ACSL3: variants seen among roughly 807,000 people sequenced by gnomAD.
ACSL3 encodes the protein acyl-CoA synthetase long chain family member 3.
Under a neutral mutation model 84.7 loss-of-function variants are expected in ACSL3, and 34 were observed. That is an observed-to-expected ratio of 0.40 (90% confidence interval 0.31 to 0.53). The LOEUF is 0.53. Ranked by LOEUF, ACSL3 falls within the 20% of genes least tolerant of loss-of-function variation. The pLI, the probability that ACSL3 is intolerant of heterozygous loss-of-function variation, is 0.48. For synonymous variants in ACSL3, 315 were observed against 299.4 expected (o/e 1.05, Z -0.54); for missense variants, 680 against 873.1 (o/e 0.78, Z 2.79).
At chr2:222,898,195 A>G (rs1211981559) in intron 2 of ACSL3, among the ~76,000 whole-genome samples, 1 of 151,982 alleles carries the variant, frequency 6.6e-6, no homozygotes, top group Non-Finnish European at 1.5e-5. Flanking sequence ...TTTAATTTAT[A>G]GGCGCTCTTT....
At chr2:222,930,890 G>A in intron 14 of ACSL3, 78 bp downstream of exon 14, 2 of 1,260,256 alleles carry the variant, frequency 1.6e-6, no homozygotes, top group East Asian at 2.4e-5. Flanking sequence ...TTTAGAGGAG[G>A]CGCTGAATAA....
At chr2:222,891,162 T>C (rs2106102795) in intron 2 of ACSL3, among the ~76,000 whole-genome samples, 1 of 152,348 alleles carries the variant, frequency 6.6e-6, no homozygotes, top group East Asian at 1.9e-4. Flanking sequence ...AATACTTATA[T>C]AGCTGGCTTT....
intron 10 of ACSL3, 142 bp from the exon 11 acceptor site, chr2:222,924,314 C>T: frequency 2.8e-6 from 2 of 708,718 alleles, no homozygotes; most frequent in East Asian, 6.9e-5. Context: ...AGGTTTTTTC[C>T]TTCTTGCTGA....
In ACSL3 at chr2:222,894,251, C is replaced by T. The variant is rs559740677; in HGVS notation, c.-148+6363C>T. Among the ~76,000 whole-genome samples, 19 of 152,268 alleles carry T rather than the reference C, an allele frequency of 1.2e-4. No homozygotes were observed. The South Asian group carries it at 3.3e-3, about 27-fold the overall frequency. On this transcript the variant is annotated intron_variant, in intron 2 of 16. Transcript: ENST00000357430. Reference sequence around the variant, plus strand: ...AATAACACAAAATCCTGTCTGGTCTCCTTTTCCTTCAGTCTTTCCAAGTCA... The same window carrying T: ...AATAACACAAAATCCTGTCTGGTCTTCTTTTCCTTCAGTCTTTCCAAGTCA...
At chr2:222,913,941 G>A (rs991250496) in intron 4 of ACSL3, among the ~76,000 whole-genome samples, 1 of 152,104 alleles carries the variant, frequency 6.6e-6, no homozygotes, top group African/African-American at 2.4e-5. Context: ...CACTAATAAA[G>A]GTTAGTTACC....
intron 11 of ACSL3, 88 bp downstream of exon 11, chr2:222,924,683 TATAAG>T: frequency 3.8e-6 from 5 of 1,310,568 alleles, no homozygotes; most frequent in Non-Finnish European, 5.2e-6. Flanking sequence ...TTGAGATAGT[TATAAG>T]AAAGAAATAT....
intron 3 of ACSL3, among the ~76,000 whole-genome samples, chr2:222,907,212 A>G (rs964186583): frequency 6.6e-6 from 1 of 152,124 alleles, no homozygotes; most frequent in African/African-American, 2.4e-5. Flanking sequence ...GGCAAAGATG[A>G]TCTGTGCTTG....
intron 4 of ACSL3, chr2:222,909,691 G>A (rs960536013): frequency 9.9e-5 from 15 of 152,256 alleles, no homozygotes; most frequent in African/African-American, 3.6e-4. Context: ...CAGACTATAG[G>A]TCTGAATCTT....
chr2:222,875,309 A>G (rs1695417296), intron 1 of ACSL3, among the ~76,000 whole-genome samples: 1 of 151,998 alleles, frequency 6.6e-6, no homozygotes, highest in African/African-American at 2.4e-5. Flanking sequence ...TTGGGGACGG[A>G]AGGAATGGGA....
chr2:222,874,148 G>A lies in ACSL3; in HGVS notation c.-207+12890G>A, dbSNP rs144301880. ...GTGATTCTCAATGCCTCAGCCTCCC[G>A]AGTAGCTGGGATTACAGGTGCGCAC... is the stretch of plus-strand genomic sequence containing the variant. On this transcript the variant is annotated intron_variant, in intron 1 of 16. Coordinates refer to ENST00000357430, the MANE Select transcript of ACSL3 (RefSeq NM_004457.5). Among the ~76,000 whole-genome samples the A allele has an allele frequency of 7.6e-3, 1,159 of 152,006 alleles. 14 individuals are homozygous for A. Among genetic ancestry groups the A allele is most frequent in the African/African-American group, 0.027 (1,114 of 41,440 alleles).
At chr2:222,878,069 C>T (rs1008360898) in intron 1 of ACSL3, among the ~76,000 whole-genome samples, 22 of 152,190 alleles carry the variant, frequency 1.4e-4, no homozygotes, top group Non-Finnish European at 2.1e-4. Flanking sequence ...CACCCAGTGC[C>T]CAGCGTATAG....
chr2:222,921,787 T>C (rs1290777952), intron 8 of ACSL3, among the ~76,000 whole-genome samples: 1 of 152,162 alleles, frequency 6.6e-6, no homozygotes, highest in Non-Finnish European at 1.5e-5. Context: ...AGCTTCAGTA[T>C]TTGGTCTCTG....
rs747950437 is a variant in ACSL3 at position 222,934,699 on chromosome 2, G to T, written c.2005+12G>T. ...AGCTGCTATTTCAGGTGAGTATTCG[G>T]TTAAACTGATACTAAAAACTGAGAT... On this transcript the variant is annotated intron_variant, in intron 16 of 16. Transcript: ENST00000357430. 2 of 1,602,392 alleles carry T rather than the reference G, an allele frequency of 1.2e-6. No individual in the cohort carries two copies. Among genetic ancestry groups the T allele is most frequent in the Admixed American group, 3.5e-5 (2 of 57,824 alleles).
intron 4 of ACSL3, among the ~76,000 whole-genome samples, chr2:222,912,529 G>A (rs1459227881): frequency 2.0e-5 from 3 of 152,228 alleles, no homozygotes; most frequent in Admixed American, 6.5e-5. Flanking sequence ...GAAAACGAAT[G>A]TTGTAGCAAT....
In ACSL3 at chr2:222,942,358, A is replaced by G. The variant is rs2106148241; in HGVS notation, c.*704A>G. On this transcript the variant is annotated 3_prime_UTR_variant, in exon 17 of 17. Transcript: ENST00000357430. The stretch of plus-strand genomic sequence containing the variant: ...TTATAGTTTAATAGTAAGGGAGATA[A>G]CACAGCATGTGTAGCACCAGTTGAT... 1 of 190,594 alleles carries G rather than the reference A, an allele frequency of 5.2e-6. No individual in the cohort carries two copies. The highest frequency in any genetic ancestry group is 1.9e-4 in the South Asian group (1 of 5,144). The allele number at this position is 190,594 out of a possible 1,614,324, so 11.8% of individuals were successfully genotyped here.
rs144442069 is a variant in ACSL3, at chr2:222,935,903, A to G, written c.2005+1216A>G. ...TTTCATCTTGCAAAACGGAGACACT[A>G]TACCCATTACACTAATTCCCCTTCC... On this transcript the variant is annotated intron_variant, in intron 16 of 16. Coordinates refer to ENST00000357430, the MANE Select transcript of ACSL3 (RefSeq NM_004457.5). Among the ~76,000 whole-genome samples the G allele has an allele frequency of 5.2e-3, 789 of 152,264 alleles. 9 individuals carry two copies. Among genetic ancestry groups the G allele is most frequent in the African/African-American group, 0.018 (746 of 41,544 alleles).
At chr2:222,923,002 CT>C in intron 9 of ACSL3, 75 bp from the exon 10 acceptor site, 1 of 1,365,146 alleles carries the variant, frequency 7.3e-7, no homozygotes, top group South Asian at 1.3e-5. Flanking sequence ...TTATAATAGG[CT>C]TTTTGATCTA....
chr2:222,864,059 A>AT (rs1559271888), intron 1 of ACSL3, among the ~76,000 whole-genome samples: 1 of 152,120 alleles, frequency 6.6e-6, no homozygotes, highest in African/African-American at 2.4e-5. Flanking sequence ...GAAAATGGAG[A>AT]TAAAAAATTG....
intron 1 of ACSL3, among the ~76,000 whole-genome samples, chr2:222,883,967 A>G (rs1559281164): frequency 6.6e-6 from 1 of 152,184 alleles, no homozygotes; most frequent in African/African-American, 2.4e-5. Flanking sequence ...AGATGGCAAT[A>G]GCCTCTCTTA....
Sources: allele counts gnomAD v4.1 joint callset (sites outside exome capture counted in the v4.1 genomes callset), GRCh38; gene constraint gnomAD v4.1.1; transcripts MANE v1.5; gene names NCBI Gene and HGNC (gene_info 2026-07-23, HGNC 2026-07-21).